The following GPC5 variants were observed in gnomAD, a reference collection of about 807,000 sequenced individuals.
GPC5 encodes the protein glypican-5.
A neutral mutation model predicts 53.9 loss-of-function variants in GPC5; 47 were observed. The ratio of observed to expected loss-of-function variants is 0.87; its 90% CI spans 0.69 to 1.11. The LOEUF is 1.11. GPC5 is among the 50% of genes most tolerant of loss of function. The pLI, the probability that GPC5 is intolerant of heterozygous loss-of-function variation, is 0.00. For synonymous variants in GPC5, 286 were observed against 263.3 expected (o/e 1.09, Z -0.84); for missense variants, 748 against 713.1 (o/e 1.05, Z -0.56).
chr13:92,673,862 A>G (rs1886838259), intron 7 of GPC5, among the ~76,000 whole-genome samples: 1 of 152,216 alleles, frequency 6.6e-6, no homozygotes, highest in Non-Finnish European at 1.5e-5. Flanking sequence ...CACTTTTCAA[A>G]TCAAGGCTAG....
intron 7 of GPC5, among the ~76,000 whole-genome samples, chr13:92,415,346 G>T (rs748699804): frequency 2.3e-4 from 35 of 152,294 alleles, no homozygotes; most frequent in South Asian, 6.2e-4. Flanking sequence ...TGGTCCAATG[G>T]AGGGTAAAAT....
At chr13:91,621,548 AG>A (rs1443020965) in intron 2 of GPC5, among the ~76,000 whole-genome samples, 2 of 151,962 alleles carry the variant, frequency 1.3e-5, no homozygotes, top group African/African-American at 2.4e-5. Context: ...GTAGAGTGAA[AG>A]TCTGGAGGTC....
intron 7 of GPC5, among the ~76,000 whole-genome samples, chr13:92,488,445 A>C (rs1161309152): frequency 6.6e-6 from 1 of 152,238 alleles, no homozygotes; most frequent in Non-Finnish European, 1.5e-5. Context: ...TGATGGGAAA[A>C]GTAATATTTG....
chr13:92,724,646 C>T (rs956831682), intron 7 of GPC5, among the ~76,000 whole-genome samples: 3 of 151,434 alleles, frequency 2.0e-5, no homozygotes, highest in African/African-American at 4.8e-5. Context: ...ATTCCACTTA[C>T]GTGAGGTATC....
intron 2 of GPC5, among the ~76,000 whole-genome samples, chr13:91,659,631 A>T (rs1346863680): frequency 6.6e-6 from 1 of 152,226 alleles, no homozygotes; most frequent in Admixed American, 6.5e-5. Context: ...CTTTCAAGGA[A>T]TCTAAGTAGA....
At chr13:91,996,329 C>T (rs2040503714) in intron 6 of GPC5, 1 of 152,234 alleles carries the variant, frequency 6.6e-6, no homozygotes, top group African/African-American at 2.4e-5. Flanking sequence ...CTCTCTAGCC[C>T]AGGCTATAGC....
At chr13:91,910,637 T>A (rs1169556883) in intron 6 of GPC5, among the ~76,000 whole-genome samples, 1 of 152,160 alleles carries the variant, frequency 6.6e-6, no homozygotes, top group Non-Finnish European at 1.5e-5. Context: ...CTGCCATTGA[T>A]CTGAACCTTA....
intron 7 of GPC5, among the ~76,000 whole-genome samples, chr13:92,253,035 A>T (rs2042702913): frequency 6.6e-6 from 1 of 152,144 alleles, no homozygotes; most frequent in African/African-American, 2.4e-5. Context: ...TAGAGTGCAA[A>T]GTGATTTCTT....
intron 6 of GPC5, among the ~76,000 whole-genome samples, chr13:92,045,212 G>A (rs1288216824): frequency 6.6e-6 from 1 of 152,098 alleles, no homozygotes; most frequent in Non-Finnish European, 1.5e-5. Flanking sequence ...TTTACGGTAC[G>A]GAAAAGGCAA....
At chr13:92,192,138 C>A (rs1049539968) in intron 7 of GPC5, among the ~76,000 whole-genome samples, 4 of 152,006 alleles carry the variant, frequency 2.6e-5, no homozygotes, top group Non-Finnish European at 5.9e-5. Context: ...TGAAGCTATT[C>A]TGTATGAAGC....
chr13:91,617,475 T>C (rs537772442), intron 2 of GPC5, among the ~76,000 whole-genome samples: 2 of 152,208 alleles, frequency 1.3e-5, no homozygotes, highest in South Asian at 4.1e-4. Context: ...ATTAGTGGAA[T>C]CTGTAACTGT....
chr13:91,435,397 G>C (rs1035629776), intron 1 of GPC5, among the ~76,000 whole-genome samples: 23 of 152,070 alleles, frequency 1.5e-4, no homozygotes, highest in Admixed American at 3.3e-4. Context: ...TAGCATGAAG[G>C]GTTGTTGAAT....
chr13:91,678,754 T>C (rs1168500343), intron 2 of GPC5, among the ~76,000 whole-genome samples: 1 of 151,724 alleles, frequency 6.6e-6, no homozygotes, highest in Non-Finnish European at 1.5e-5. Flanking sequence ...TTTTTGTACA[T>C]TTGTGGATCC....
At chr13:92,168,300 A>T (rs924622209) in intron 7 of GPC5, among the ~76,000 whole-genome samples, 4 of 152,244 alleles carry the variant, frequency 2.6e-5, no homozygotes, top group Non-Finnish European at 5.9e-5. Flanking sequence ...TATTGAAAAC[A>T]TCAAAAGCAA....
chr13:92,036,741 C>T (rs1158494492), intron 6 of GPC5, among the ~76,000 whole-genome samples: 1 of 152,170 alleles, frequency 6.6e-6, no homozygotes, highest in Non-Finnish European at 1.5e-5. Context: ...CCTACTCCAG[C>T]CTTAAACATC....
chr13:92,630,275 G>C (rs1885192754), intron 7 of GPC5, among the ~76,000 whole-genome samples: 1 of 151,862 alleles, frequency 6.6e-6, no homozygotes, highest in Non-Finnish European at 1.5e-5. Context: ...ATAATACCAA[G>C]GCAGAAAATG....
chr13:92,694,322 A>C (rs893586333), intron 7 of GPC5, among the ~76,000 whole-genome samples: 2 of 152,182 alleles, frequency 1.3e-5, no homozygotes, highest in Non-Finnish European at 2.9e-5. Flanking sequence ...ACCATCCTCC[A>C]GACCCCACCA....
At chr13:91,553,026 C>T (rs1186747783) in intron 2 of GPC5, among the ~76,000 whole-genome samples, 1 of 151,996 alleles carries the variant, frequency 6.6e-6, no homozygotes, top group Non-Finnish European at 1.5e-5. Flanking sequence ...TTAAATATAA[C>T]ATAAAATAAT....
At chr13:92,491,387 T>C (rs1362132604) in intron 7 of GPC5, among the ~76,000 whole-genome samples, 3 of 152,142 alleles carry the variant, frequency 2.0e-5, no homozygotes, top group Admixed American at 6.5e-5. Flanking sequence ...TGTAAAACTA[T>C]TATATTTTAG....
Sources: gnomAD v4.1 joint callset for allele counts (sites outside exome capture counted in the v4.1 genomes callset) on GRCh38, gnomAD v4.1.1 for gene constraint, MANE v1.5 for transcripts, NCBI Gene and HGNC (gene_info 2026-07-23, HGNC 2026-07-21) for gene names.